Variants in RBM47 observed in about 807,000 individuals in gnomAD.
The protein encoded by RBM47 is RNA binding motif protein 47, also known as RNA-binding protein 47.
A neutral mutation model predicts 47.1 loss-of-function variants in RBM47; 21 were observed. The ratio of observed to expected loss-of-function variants is 0.45; its 90% confidence interval spans 0.32 to 0.64. The LOEUF is 0.64. Among genes scored for constraint, RBM47 ranks in the 30% least tolerant of loss-of-function variants. The probability of loss-of-function intolerance (pLI) is 0.05; values close to 1 mark genes in which losing one functional copy is unlikely to be tolerated. For synonymous variants in RBM47, 375 were observed against 361.7 expected (o/e 1.04, Z -0.42); for missense variants, 708 against 870.9 (o/e 0.81, Z 2.35).
At chr4:40,617,033 G>A (rs1736816094) in intron 1 of RBM47, among the ~76,000 whole-genome samples, 2 of 151,490 alleles carry the variant, frequency 1.3e-5, no homozygotes, top group African/African-American at 4.8e-5. Flanking sequence ...CCGCCACTGC[G>A]GCCAGCTAAT....
In RBM47 at chr4:40,438,596, G is replaced by A; in HGVS notation, c.298C>T (p.Leu100=). The change falls in exon 4 of 7, where the codon CTG becomes TTG. Residue 100 remains leucine (L), a synonymous_variant. Coordinates refer to ENST00000295971, the MANE Select transcript of RBM47 (RefSeq NM_001098634.2). ...CCGTCAAAGTCCATCATGAGGCGCA[G>A]CTCGTAGATGCGGCCCACGGCCTCG... The part of the protein sequence containing the change: ...VFEAVGRIYE[L]RLMMDFDGKN... The A allele has an allele frequency of 1.2e-6, 2 of 1,613,928 alleles. No individual in the cohort carries two copies. The highest frequency in any genetic ancestry group is 8.5e-7 in the Non-Finnish European group (1 of 1,179,954).
chr4:40,471,166 C>T (rs1205289140), intron 2 of RBM47, among the ~76,000 whole-genome samples: 1 of 152,214 alleles, frequency 6.6e-6, no homozygotes, highest in African/African-American at 2.4e-5. Context: ...CGCTTTGCCA[C>T]CTGAACAGTT....
chr4:40,623,843 G>C (rs1737486721), intron 1 of RBM47, among the ~76,000 whole-genome samples: 1 of 36,758 alleles, frequency 2.7e-5, no homozygotes, highest in East Asian at 4.7e-4. Flanking sequence ...GTATAAACTT[G>C]TTTGTTTGTT....
chr4:40,545,867 T>C (rs567889427), intron 1 of RBM47, among the ~76,000 whole-genome samples: 5 of 152,106 alleles, frequency 3.3e-5, no homozygotes, highest in African/African-American at 1.2e-4. Flanking sequence ...GTTTTTCTCA[T>C]CTAATATGGG....
At chr4:40,528,891 C>T (rs981306029) in intron 2 of RBM47, among the ~76,000 whole-genome samples, 93 of 151,270 alleles carry the variant, frequency 6.1e-4, no homozygotes, top group Admixed American at 4.0e-4. Flanking sequence ...TGCAGTGAGC[C>T]GAGATCCCGC....
intron 2 of RBM47, among the ~76,000 whole-genome samples, chr4:40,488,909 G>T (rs933792983): frequency 1.3e-5 from 2 of 152,146 alleles, no homozygotes; most frequent in Admixed American, 1.3e-4. Context: ...CTGCTATTTT[G>T]CAGATGTGGA....
chr4:40,588,599 A>G (rs572167665), intron 1 of RBM47, among the ~76,000 whole-genome samples: 13 of 152,300 alleles, frequency 8.5e-5, no homozygotes, highest in Admixed American at 7.2e-4. Context: ...GGTGGTAGCT[A>G]GACTTCGATC....
intron 3 of RBM47, among the ~76,000 whole-genome samples, chr4:40,445,273 CAAA>C (rs35418476): frequency 3.4e-3 from 358 of 106,580 alleles, no homozygotes; most frequent in Middle Eastern, 4.6e-3. Context: ...GACTCCGTCT[CAAA>C]AAAAAAAAAA....
chr4:40,460,621 G>A (rs1333266220), intron 3 of RBM47, among the ~76,000 whole-genome samples: 1 of 152,158 alleles, frequency 6.6e-6, no homozygotes, highest in Non-Finnish European at 1.5e-5. Flanking sequence ...GTTGCAGTGA[G>A]GTGAGATTGT....
intron 3 of RBM47, among the ~76,000 whole-genome samples, chr4:40,461,149 A>G (rs1253528129): frequency 6.6e-6 from 1 of 152,192 alleles, no homozygotes; most frequent in Non-Finnish European, 1.5e-5. Context: ...GTGTCAGGAA[A>G]TTTATGATTT....
At chr4:40,451,482 A>G (rs999131109) in intron 3 of RBM47, among the ~76,000 whole-genome samples, 1 of 152,218 alleles carries the variant, frequency 6.6e-6, no homozygotes, top group African/African-American at 2.4e-5. Context: ...CCCCGCTGCT[A>G]CATGGACACA....
intron 1 of RBM47, among the ~76,000 whole-genome samples, chr4:40,593,880 T>C (rs1734506768): frequency 1.1e-5 from 1 of 95,212 alleles, no homozygotes; most frequent in Non-Finnish European, 2.1e-5. Context: ...CGAGACTCTG[T>C]CTCAAAAAAA....
intron 1 of RBM47, among the ~76,000 whole-genome samples, chr4:40,620,164 C>A (rs184439354): frequency 2.0e-5 from 3 of 148,050 alleles, no homozygotes; most frequent in African/African-American, 7.6e-5. Flanking sequence ...CCATTGCACT[C>A]CAGCCTGGGC....
At chr4:40,490,638 G>A (rs1721739684) in intron 2 of RBM47, among the ~76,000 whole-genome samples, 1 of 151,986 alleles carries the variant, frequency 6.6e-6, no homozygotes, top group Non-Finnish European at 1.5e-5. Flanking sequence ...AGCCGGGCGT[G>A]GTGGCGCCTG....
At chr4:40,448,913 G>C (rs1714969893) in intron 3 of RBM47, among the ~76,000 whole-genome samples, 2 of 152,154 alleles carry the variant, frequency 1.3e-5, no homozygotes, top group South Asian at 4.1e-4. Flanking sequence ...CCCCAAACTT[G>C]GGGTGAAGGA....
intron 6 of RBM47, among the ~76,000 whole-genome samples, chr4:40,431,276 T>C (rs964895050): frequency 6.6e-6 from 1 of 152,158 alleles, no homozygotes; most frequent in African/African-American, 2.4e-5. Context: ...ACACAGTCTT[T>C]GGTCTGTAGG....
At chr4:40,570,440 C>T (rs532228010) in intron 1 of RBM47, among the ~76,000 whole-genome samples, 14 of 151,906 alleles carry the variant, frequency 9.2e-5, no homozygotes, top group Non-Finnish European at 1.8e-4. Flanking sequence ...ATAGGCTTTA[C>T]GCGCCTATGA....
Position 40,500,040 on chromosome 4 carries a change from C to T in RBM47, c.-154-33341G>A, listed in dbSNP as rs574301429. Among the ~76,000 whole-genome samples, 11 of 152,324 alleles carry T rather than the reference C, an allele frequency of 7.2e-5. No homozygotes were observed. The South Asian group carries it at 2.3e-3, about 32-fold the overall frequency. On this transcript the variant is annotated intron_variant, in intron 2 of 6. Transcript: ENST00000295971. ...TTGTGACATTAAAAAATAGGCCGGG[C>T]GCAGTGGCTCACGCCTGTAATCCCA...
At chr4:40,534,675 C>T (rs1445354884) in intron 2 of RBM47, among the ~76,000 whole-genome samples, 3 of 152,112 alleles carry the variant, frequency 2.0e-5, no homozygotes, top group African/African-American at 7.2e-5. Context: ...TGGCTCACGC[C>T]TGTAATCCCA....
Sources: gnomAD v4.1 joint callset for allele counts (sites outside exome capture counted in the v4.1 genomes callset) on GRCh38, gnomAD v4.1.1 for gene constraint, MANE v1.5 for transcripts, NCBI Gene and HGNC (gene_info 2026-07-23, HGNC 2026-07-21) for gene names.